The following MBP variants were observed in gnomAD, a reference collection of about 807,000 sequenced individuals.
MBP encodes myelin basic protein, also known as Golli-MBP.
In MBP, 16 loss-of-function variants were observed where a neutral mutation model predicts 35.8. That is an observed-to-expected ratio of 0.45 (90% CI 0.30 to 0.68). The LOEUF (loss-of-function observed/expected upper bound fraction) is 0.68. Among genes scored for constraint, MBP ranks in the 30% least tolerant of loss-of-function variants. MBP has a pLI of 0.08. For synonymous variants in MBP, 143 were observed against 159.6 expected (o/e 0.90, Z 0.78); for missense variants, 380 against 404.7 (o/e 0.94, Z 0.52).
chr18:77,056,521 G>A (rs1033680488), intron 3 of MBP, among the ~76,000 whole-genome samples: 4 of 152,168 alleles, frequency 2.6e-5, no homozygotes, highest in Non-Finnish European at 4.4e-5. Context: ...CAGTCCCTGC[G>A]GGAGGCAGGG....
In MBP at chr18:76,980,132, T is replaced by C; in HGVS notation, c.*295A>G. 1 of 665,780 alleles carries C rather than the reference T, an allele frequency of 1.5e-6. No homozygotes were observed. The highest frequency in any genetic ancestry group is 2.7e-6 in the Non-Finnish European group (1 of 369,490). The allele number at this position is 665,780 out of a possible 1,614,324, so 41.2% of individuals were successfully genotyped here. A position where few individuals can be genotyped will look rare whatever the true frequency, so the allele number is the denominator to read the frequency against. ...AGGGGTGAACGTGGAGGGACGTCTG[T>C]GCACCTGGCCCCCTGAAGACCCACG... is the stretch of plus-strand genomic sequence containing the variant. On this transcript the variant is annotated 3_prime_UTR_variant, in exon 9 of 9. Transcript: ENST00000355994.
intron 1 of MBP, among the ~76,000 whole-genome samples, chr18:77,112,349 C>T (rs1035326315): frequency 6.6e-6 from 1 of 152,216 alleles, no homozygotes; most frequent in African/African-American, 2.4e-5. Flanking sequence ...CACACACCTG[C>T]GGGAGGTCGG....
intron 8 of MBP, chr18:76,982,092 A>G (rs1446833547): frequency 1.3e-5 from 2 of 152,228 alleles, no homozygotes; most frequent in South Asian, 2.1e-4. Context: ...AGCACTGACC[A>G]TGCAGGAAAC....
At chr18:77,091,490 G>A (rs1975518828) in intron 2 of MBP, among the ~76,000 whole-genome samples, 1 of 152,094 alleles carries the variant, frequency 6.6e-6, no homozygotes, top group Admixed American at 6.6e-5. Flanking sequence ...ATGACAGGTA[G>A]GAACCACCCA....
rs116393429 is a variant in MBP, at chr18:77,060,382, G to A, written c.139+5916C>T. Among the ~76,000 whole-genome samples the A allele has an allele frequency of 1.8e-3, 276 of 151,388 alleles. 1 individual carries two copies. Among genetic ancestry groups the A allele is most frequent in the African/African-American group, 5.7e-3 (232 of 41,028 alleles). On this transcript the variant is annotated intron_variant, in intron 3 of 8. Transcript: ENST00000355994. ...AGCACTCATTATTCACTGTATGAACGTGGCTTCAAGCAGTAGAGATGTTAA... is the reference window on the plus strand; with the variant it reads ...AGCACTCATTATTCACTGTATGAACATGGCTTCAAGCAGTAGAGATGTTAA...
At chr18:77,080,100 T>A (rs1196817266) in intron 2 of MBP, among the ~76,000 whole-genome samples, 1 of 152,226 alleles carries the variant, frequency 6.6e-6, no homozygotes, top group East Asian at 1.9e-4. Flanking sequence ...TGTGCTGTCA[T>A]AAAAATAGTT....
intron 3 of MBP, among the ~76,000 whole-genome samples, chr18:77,064,658 C>T (rs947449560): frequency 2.0e-5 from 3 of 151,974 alleles, no homozygotes; most frequent in Non-Finnish European, 2.9e-5. Context: ...AAGTTAATCA[C>T]GAACAAAAAA....
chr18:77,040,214 T>C (rs573233573), intron 3 of MBP, among the ~76,000 whole-genome samples: 1 of 152,332 alleles, frequency 6.6e-6, no homozygotes, highest in South Asian at 2.1e-4. Flanking sequence ...AAATACAAGT[T>C]TGTTTAGAAA....
At chr18:77,087,200 C>T (rs1017147269) in intron 2 of MBP, 1 of 152,272 alleles carries the variant, frequency 6.6e-6, no homozygotes, top group Non-Finnish European at 1.5e-5. Context: ...GAAATAGCCC[C>T]GCGGCAGCGC....
In MBP at chr18:76,988,942, A is replaced by T; in HGVS notation, c.682-30T>A. On this transcript the variant is annotated intron_variant, in intron 5 of 8. Transcript: ENST00000355994. The surrounding 1 kb of genome is among the most constrained non-coding windows in gnomAD (Gnocchi z 5.2). Reference sequence around the variant, plus strand: ...AAAGACACAGAGAACCGTGGGCTGCACTGGGAGCCCTGTGCCGCCGTCCAT... The same window carrying T: ...AAAGACACAGAGAACCGTGGGCTGCTCTGGGAGCCCTGTGCCGCCGTCCAT... The T allele has an allele frequency of 1.2e-6, 2 of 1,609,714 alleles. No homozygotes were observed. The highest frequency in any genetic ancestry group is 1.7e-6 in the Non-Finnish European group (2 of 1,175,954).
At chr18:77,073,627 T>C (rs920330479) in intron 2 of MBP, among the ~76,000 whole-genome samples, 1 of 152,218 alleles carries the variant, frequency 6.6e-6, no homozygotes, top group Non-Finnish European at 1.5e-5. Context: ...AGACCTGTTA[T>C]TTGCTGCAGA....
intron 3 of MBP, among the ~76,000 whole-genome samples, chr18:77,024,620 C>G (rs1409343229): frequency 6.6e-6 from 1 of 152,230 alleles, no homozygotes; most frequent in Non-Finnish European, 1.5e-5. Context: ...TCTGCAGTTT[C>G]CTTGGAGCAA....
At chr18:77,013,794 A>T in intron 4 of MBP, 1 of 985,426 alleles carries the variant, frequency 1.0e-6, no homozygotes, top group Middle Eastern at 5.2e-4. Context: ...TGCTTTGGGA[A>T]CTATCCAAGT....
At chr18:77,071,213 A>G (rs979962363) in intron 2 of MBP, among the ~76,000 whole-genome samples, 2 of 152,204 alleles carry the variant, frequency 1.3e-5, no homozygotes, top group Non-Finnish European at 2.9e-5. Context: ...GAAACTGCTT[A>G]TCAGGAGAGG....
chr18:76,987,032 A>G, intron 7 of MBP: 1 of 984,898 alleles, frequency 1.0e-6, no homozygotes, highest in Non-Finnish European at 1.2e-6. Context: ...TTTGCTTTGG[A>G]AAAAAGAGAA....
intron 4 of MBP, among the ~76,000 whole-genome samples, chr18:77,000,903 C>G (rs62105703): frequency 0.031 from 4,763 of 152,250 alleles, 91 homozygotes; most frequent in Middle Eastern, 0.058. Flanking sequence ...AAAGGAGATA[C>G]GTTGATGGAG....
intron 4 of MBP, among the ~76,000 whole-genome samples, chr18:76,999,340 T>C (rs1970506777): frequency 6.6e-6 from 1 of 152,112 alleles, no homozygotes. Flanking sequence ...GTCAACCCCA[T>C]CAGAAGCTCT....
Position 76,990,868 on chromosome 18 carries a change from G to A in MBP, c.577-808C>T, listed in dbSNP as rs62105662. ...CTGGCAGCAGCGGGTTTGGGTGTGC[G>A]ACTTGCTGGGGAGAGATTTCTATCA... On this transcript the variant is annotated intron_variant, in intron 4 of 8. Transcript: ENST00000355994. 4.5e-5 allele frequency: 13 copies of A among 292,110 alleles called. No individual in the cohort carries two copies. In the East Asian group the frequency reaches 5.9e-4, roughly 13 times the overall value. The allele number at this position is 292,110 out of a possible 1,614,324, so 18.1% of individuals were successfully genotyped here.
chr18:77,040,983 A>C (rs1972966080), intron 3 of MBP, among the ~76,000 whole-genome samples: 1 of 152,218 alleles, frequency 6.6e-6, no homozygotes, highest in South Asian at 2.1e-4. Flanking sequence ...CTACCATCAG[A>C]GTGAACAGGC....
Sources: allele counts gnomAD v4.1 joint callset (sites outside exome capture counted in the v4.1 genomes callset), GRCh38; gene constraint gnomAD v4.1.1; non-coding constraint Gnocchi (gnomAD v3.1); transcripts MANE v1.5; gene names NCBI Gene and HGNC (gene_info 2026-07-23, HGNC 2026-07-21).